The following ADAM12 variants were observed in gnomAD, a reference collection of about 807,000 sequenced individuals.
The protein encoded by ADAM12 is disintegrin and metalloproteinase domain-containing protein 12.
In ADAM12, 70 loss-of-function variants were observed where a neutral mutation model predicts 106.4. The observed-to-expected ratio is 0.66, with a 90% CI of 0.54 to 0.80. The LOEUF (loss-of-function observed/expected upper bound fraction) is 0.80. Ranked by LOEUF, ADAM12 falls within the 30% of genes least tolerant of loss-of-function variation. ADAM12 has a pLI of 0.00. For synonymous variants in ADAM12, 420 were observed against 433.5 expected, an observed-to-expected ratio of 0.97 and a Z score of 0.39; for missense variants, 1,010 against 1,171.9, an observed-to-expected ratio of 0.86 and a Z score of 2.02.
chr10:126,184,026 G>A (rs1957358933), intron 3 of ADAM12, among the ~76,000 whole-genome samples: 1 of 152,140 alleles, frequency 6.6e-6, no homozygotes, highest in South Asian at 2.1e-4. Context: ...AAAAAAGTGT[G>A]AAATATCTAA....
chr10:126,233,535 CAT>C (rs138394862), intron 3 of ADAM12, among the ~76,000 whole-genome samples: 10,870 of 152,080 alleles, frequency 0.071, 486 homozygotes, highest in East Asian at 0.13. Context: ...GGAAAGGAGG[CAT>C]AGTTTTAAGG....
intron 3 of ADAM12, among the ~76,000 whole-genome samples, chr10:126,163,076 C>T (rs1435432297): frequency 6.6e-6 from 1 of 152,192 alleles, no homozygotes; most frequent in Non-Finnish European, 1.5e-5. Flanking sequence ...TCCACTGCAC[C>T]TTCCACCATG....
chr10:126,339,501 G>C (rs770276065), intron 1 of ADAM12, among the ~76,000 whole-genome samples: 2 of 152,064 alleles, frequency 1.3e-5, no homozygotes, highest in African/African-American at 4.8e-5. Context: ...TTGTTCTTTT[G>C]TCTTCTAAAA....
At chr10:126,129,011 C>G (rs1956258620) in intron 5 of ADAM12, among the ~76,000 whole-genome samples, 1 of 152,236 alleles carries the variant, frequency 6.6e-6, no homozygotes, top group South Asian at 2.1e-4. Flanking sequence ...TCACCAACCC[C>G]ATTTAAAAAG....
intron 10 of ADAM12, among the ~76,000 whole-genome samples, chr10:126,096,008 G>A (rs1955551857): frequency 6.6e-6 from 1 of 152,174 alleles, no homozygotes; most frequent in Non-Finnish European, 1.5e-5. Flanking sequence ...TGAGGCTTCT[G>A]TCTAAGAAAA....
At chr10:126,138,184 C>T (rs1011003943) in intron 4 of ADAM12, among the ~76,000 whole-genome samples, 1 of 151,966 alleles carries the variant, frequency 6.6e-6, no homozygotes, top group East Asian at 1.9e-4. Flanking sequence ...GTTTATTGTC[C>T]ATTTTTATGT....
At chr10:126,224,964 G>A (rs892715244) in intron 3 of ADAM12, among the ~76,000 whole-genome samples, 5 of 152,196 alleles carry the variant, frequency 3.3e-5, no homozygotes, top group Non-Finnish European at 5.9e-5. Context: ...CTACGTGAAC[G>A]GCTTTTGTTG....
At chr10:126,322,400 G>C (rs1243774557) in intron 2 of ADAM12, among the ~76,000 whole-genome samples, 2 of 152,190 alleles carry the variant, frequency 1.3e-5, no homozygotes, top group Non-Finnish European at 2.9e-5. Flanking sequence ...CCGTGCAGTG[G>C]TTCTCAACCC....
chr10:126,217,932 G>A (rs1012497826), intron 3 of ADAM12, among the ~76,000 whole-genome samples: 8 of 150,384 alleles, frequency 5.3e-5, no homozygotes, highest in Non-Finnish European at 8.9e-5. Flanking sequence ...CCAAGATCAC[G>A]TCACTGCACT....
chr10:126,311,128 CA>C (rs1436059472), intron 2 of ADAM12, among the ~76,000 whole-genome samples: 13 of 151,660 alleles, frequency 8.6e-5, no homozygotes, highest in African/African-American at 2.9e-4. Flanking sequence ...CACACACACA[CA>C]CACACACACC....
intron 16 of ADAM12, 81 bp from the exon 17 acceptor site, chr10:126,046,213 A>G (rs1021290323): frequency 6.6e-5 from 84 of 1,280,516 alleles, no homozygotes; most frequent in Non-Finnish European, 8.6e-5. Flanking sequence ...TATTCAAACA[A>G]AAAGCAAGCA....
At chr10:126,139,795 G>C (rs1188660028) in intron 4 of ADAM12, among the ~76,000 whole-genome samples, 1 of 152,190 alleles carries the variant, frequency 6.6e-6, no homozygotes, top group Non-Finnish European at 1.5e-5. Context: ...GATGCATCAG[G>C]CTTCCATCCA....
At chr10:126,020,990 C>A in intron 21 of ADAM12, among the ~76,000 whole-genome samples, 1 of 43,104 alleles carries the variant, frequency 2.3e-5, no homozygotes, top group Non-Finnish European at 4.8e-5. Flanking sequence ...GAGACTCTGT[C>A]TCAAAAAAAA....
chr10:126,049,596 TTTGCCACAG>T lies in ADAM12; in HGVS notation c.1674_1682del (p.Asn558_Gly560del), dbSNP rs761723208. 6.2e-7 allele frequency: 1 copy of T among 1,614,218 alleles called. No homozygotes were observed. On this transcript the variant is annotated inframe_deletion, in exon 15 of 23. Coordinates refer to ENST00000448723, the MANE Select transcript of ADAM12 (RefSeq NM_001288973.2). This position sits in a 1 kb window ranked among gnomAD's most constrained non-coding sequence, Gnocchi z 4.4. ...ATTTGGCAAAGGAACTCTTCGAGACTTTGCCACAGTTGCCATAAGGATCACCTGCAGAAT... is the reference window on the plus strand; with the variant it reads ...ATTTGGCAAAGGAACTCTTCGAGACTTTGCCATAAGGATCACCTGCAGAAT...
At chr10:126,017,492 C>T (rs1953681602) in intron 22 of ADAM12, among the ~76,000 whole-genome samples, 153 bp from the exon 23 acceptor site, 1 of 152,152 alleles carries the variant, frequency 6.6e-6, no homozygotes, top group Non-Finnish European at 1.5e-5. Flanking sequence ...GGAAACCTGT[C>T]TCCAAAGCCG....
Position 126,173,979 on chromosome 10 carries a change from C to T in ADAM12, c.261-18674G>A, listed in dbSNP as rs191828273. ...TACAAACAACATATATATGCCTATA[C>T]ACCTTTTATCCAGATTCATCTGTTG... On this transcript the variant is annotated intron_variant, in intron 3 of 22. Coordinates refer to ENST00000448723, the MANE Select transcript of ADAM12 (RefSeq NM_001288973.2). Among the ~76,000 whole-genome samples, 337 of 146,616 alleles carry T rather than the reference C, an allele frequency of 2.3e-3. 3 individuals are homozygous for T. Among genetic ancestry groups the T allele is most frequent in the African/African-American group, 8.3e-3 (322 of 38,764 alleles).
At chr10:126,042,038 CCA>C (rs1954185806) in intron 18 of ADAM12, 1 of 1,509,238 alleles carries the variant, frequency 6.6e-7, no homozygotes, top group African/African-American at 1.4e-5. Context: ...GATGGCAAAG[CCA>C]CAGAGTCAAT....
At chr10:126,142,649 C>T (rs566935982) in intron 4 of ADAM12, among the ~76,000 whole-genome samples, 18 of 152,190 alleles carry the variant, frequency 1.2e-4, no homozygotes, top group African/African-American at 3.1e-4. Flanking sequence ...CCAGATTTGG[C>T]GGGGGGCCTG....
chr10:126,242,573 C>A (rs1315205665), intron 3 of ADAM12, among the ~76,000 whole-genome samples: 1 of 152,198 alleles, frequency 6.6e-6, no homozygotes. Flanking sequence ...AGAGCGTGGG[C>A]GTCTCCTGGC....
Sources: allele counts gnomAD v4.1 joint callset (sites outside exome capture counted in the v4.1 genomes callset), GRCh38; gene constraint gnomAD v4.1.1; non-coding constraint Gnocchi (gnomAD v3.1); transcripts MANE v1.5; gene names NCBI Gene and HGNC (gene_info 2026-07-23, HGNC 2026-07-21).